FOXP1: variants seen among roughly 807,000 people sequenced by gnomAD.
FOXP1 encodes the protein forkhead box protein P1.
A neutral mutation model predicts 98.2 loss-of-function variants in FOXP1; 15 were observed. That is an observed-to-expected ratio of 0.15 (90% CI 0.10 to 0.24). The LOEUF (loss-of-function observed/expected upper bound fraction) is 0.24. Among genes scored for constraint, FOXP1 ranks in the 10% least tolerant of loss-of-function variants. The probability of loss-of-function intolerance (pLI) is 1.00; values close to 1 mark genes in which losing one functional copy is unlikely to be tolerated. For synonymous variants in FOXP1, 371 were observed against 314.5 expected (o/e 1.18, Z -1.90); for missense variants, 633 against 848.5 (o/e 0.75, Z 3.15).
chr3:71,227,220 C>T (rs964465868), intron 5 of FOXP1, among the ~76,000 whole-genome samples: 1 of 152,138 alleles, frequency 6.6e-6, no homozygotes, highest in Non-Finnish European at 1.5e-5. Context: ...TTATGATCCT[C>T]ATGTCTCCTC....
chr3:71,358,688 G>A (rs2078341176), intron 4 of FOXP1, among the ~76,000 whole-genome samples: 1 of 152,154 alleles, frequency 6.6e-6, no homozygotes, highest in South Asian at 2.1e-4. Context: ...CGTTTTTGAT[G>A]CATCCAATCA....
intron 6 of FOXP1, among the ~76,000 whole-genome samples, chr3:71,171,098 CTT>C (rs11386859): frequency 6.9e-6 from 1 of 145,210 alleles, no homozygotes. Flanking sequence ...TACACACTCA[CTT>C]TTTTTTTTTT....
intron 3 of FOXP1, among the ~76,000 whole-genome samples, chr3:71,430,653 C>T (rs1031844516): frequency 6.6e-6 from 1 of 152,116 alleles, no homozygotes; most frequent in African/African-American, 2.4e-5. Context: ...TTTTCAATCT[C>T]AGGGTCTTCT....
At position 71,070,480 on chromosome 3, in the gene FOXP1, C is replaced by T. The variant is rs957886667; in HGVS notation, c.283-16707G>A. ...CAGTATATTTGGCTGACTCGCAGTTCGAGTTTTCTTCTGGCATTCCTAAGA... is the reference window on the plus strand; with the variant it reads ...CAGTATATTTGGCTGACTCGCAGTTTGAGTTTTCTTCTGGCATTCCTAAGA... On this transcript the variant is annotated intron_variant, in intron 7 of 20. Transcript: ENST00000649528. 6.6e-5 allele frequency among the ~76,000 whole-genome samples: 10 copies of T among 152,246 alleles called. No homozygotes were observed. The Middle Eastern group carries it at 0.014, about 207-fold the overall frequency.
intron 3 of FOXP1, among the ~76,000 whole-genome samples, chr3:71,488,302 A>C (rs1352882313): frequency 6.6e-6 from 1 of 152,234 alleles, no homozygotes; most frequent in Non-Finnish European, 1.5e-5. Context: ...TTTATTTTTT[A>C]ATTGACAAAT....
intron 4 of FOXP1, among the ~76,000 whole-genome samples, chr3:71,304,319 A>C (rs1339850934): frequency 6.6e-6 from 1 of 152,226 alleles, no homozygotes; most frequent in Non-Finnish European, 1.5e-5. Flanking sequence ...AAAATATTTT[A>C]TGGGTATCCT....
chr3:71,559,745 G>A (rs1424931322), intron 2 of FOXP1, among the ~76,000 whole-genome samples: 2 of 152,156 alleles, frequency 1.3e-5, no homozygotes, highest in African/African-American at 2.4e-5. Context: ...TACTCAGAGG[G>A]CTGAGGTGGG....
chr3:70,969,935 T>C (rs1041670146), intron 19 of FOXP1: 3 of 152,410 alleles, frequency 2.0e-5, no homozygotes, highest in Admixed American at 6.5e-5. Flanking sequence ...GAGGGGGGAC[T>C]TGAGTACTAC....
intron 3 of FOXP1, among the ~76,000 whole-genome samples, chr3:71,395,568 T>G (rs2081324558): frequency 6.6e-6 from 1 of 151,946 alleles, no homozygotes; most frequent in African/African-American, 2.4e-5. Flanking sequence ...CCTTATTTCA[T>G]CATTCTGTTT....
intron 2 of FOXP1, among the ~76,000 whole-genome samples, chr3:71,503,601 GAAAAAAAA>G (rs368279502): frequency 1.3e-5 from 1 of 75,726 alleles, no homozygotes; most frequent in South Asian, 6.0e-4. Flanking sequence ...ACTCTGTCTC[GAAAAAAAA>G]AAAAAAAAAA....
intron 2 of FOXP1, among the ~76,000 whole-genome samples, chr3:71,566,530 G>A (rs2046927002): frequency 6.6e-6 from 1 of 152,210 alleles, no homozygotes. Context: ...GAAAATTAAG[G>A]TTGTTGTGAA....
rs75483428 is a variant in FOXP1, at chr3:71,149,742, C to T, written c.181-37105G>A. On this transcript the variant is annotated intron_variant, in intron 6 of 20. Coordinates refer to ENST00000649528, the MANE Select transcript of FOXP1 (RefSeq NM_001349338.3). ...GATTCTGTTAAAACTAAATGCATGA[C>T]TTCAACTCTGTTTTCATCCATATAT... Among the ~76,000 whole-genome samples, 310 of 152,238 alleles carry T rather than the reference C, an allele frequency of 2.0e-3. 2 individuals are homozygous for T. Among genetic ancestry groups the T allele is most frequent in the African/African-American group, 7.0e-3 (291 of 41,546 alleles).
intron 2 of FOXP1, among the ~76,000 whole-genome samples, chr3:71,558,606 T>C (rs1212015904): frequency 2.0e-5 from 3 of 151,808 alleles, no homozygotes; most frequent in African/African-American, 7.3e-5. Flanking sequence ...GCGATTCTCC[T>C]GCCTCAGCCT....
intron 12 of FOXP1, among the ~76,000 whole-genome samples, chr3:71,008,721 T>C (rs1289304966): frequency 1.3e-5 from 2 of 152,080 alleles, no homozygotes; most frequent in African/African-American, 4.8e-5. Context: ...AGGATGGTTA[T>C]TTGTACAGTA....
intron 12 of FOXP1, among the ~76,000 whole-genome samples, chr3:71,014,501 G>A (rs1267663679): frequency 1.3e-5 from 2 of 152,192 alleles, no homozygotes; most frequent in Non-Finnish European, 2.9e-5. Flanking sequence ...AACAGGTGCT[G>A]GAGAGGATGT....
chr3:71,471,210 T>C (rs1043138669), intron 3 of FOXP1, among the ~76,000 whole-genome samples: 4 of 151,974 alleles, frequency 2.6e-5, no homozygotes, highest in African/African-American at 9.7e-5. Context: ...GGGAAAAGTT[T>C]ACATTGAATA....
intron 6 of FOXP1, among the ~76,000 whole-genome samples, chr3:71,142,142 C>A (rs2060100184): frequency 6.6e-6 from 1 of 150,570 alleles, no homozygotes. Flanking sequence ...TGTTGACAAA[C>A]AAAAAAAAAA....
intron 7 of FOXP1, among the ~76,000 whole-genome samples, chr3:71,080,594 A>G (rs1354798047): frequency 2.0e-5 from 3 of 152,220 alleles, no homozygotes; most frequent in Non-Finnish European, 4.4e-5. Context: ...AAATCACCAA[A>G]TAAACATCTT....
chr3:70,966,005 T>C lies in FOXP1; in HGVS notation c.1774A>G (p.Asn592Asp). 1 of 1,614,156 alleles carries C rather than the reference T, an allele frequency of 6.2e-7. No individual in the cohort carries two copies. Among genetic ancestry groups the C allele is most frequent in the Non-Finnish European group, 8.5e-7 (1 of 1,180,006 alleles). ...IPLYTTASMG[N>D]PTLGNLASAI... ...CTGGCTAAGTTGCCCAGAGTGGGAT[T>C]TCCCATGGAAGCGGTAGTGTATAGA... The change falls in exon 20 of 21, where the codon AAT (asparagine) becomes GAT (aspartate). Residue 592 changes from asparagine (N) to aspartate (D), a missense_variant. Asn to Asp is a conservative substitution (Grantham distance 23). This residue lies in a region of FOXP1 where 150 missense variants were observed against 163.7 expected (regional missense o/e 0.92). Transcript: ENST00000649528.
Sources: gnomAD v4.1 joint callset for allele counts (sites outside exome capture counted in the v4.1 genomes callset) on GRCh38, gnomAD v4.1.1 for gene constraint, gnomAD v4.1.1 regional missense constraint, MANE v1.5 for transcripts, NCBI Gene and HGNC (gene_info 2026-07-23, HGNC 2026-07-21) for gene names.